Variants in UBE2F observed in about 807,000 individuals in gnomAD.
UBE2F encodes ubiquitin conjugating enzyme E2 F (putative), also known as NEDD8-conjugating enzyme UBE2F.
A neutral mutation model predicts 29.6 loss-of-function variants in UBE2F; 5 were observed. That is an observed-to-expected ratio of 0.17 (90% CI 0.09 to 0.36). The LOEUF (loss-of-function observed/expected upper bound fraction) is 0.36. Among genes scored for constraint, UBE2F ranks in the 10% least tolerant of loss-of-function variants. UBE2F has a pLI of 1.00. For missense variants in UBE2F, 141 were observed against 228.5 expected, an observed-to-expected ratio of 0.62 and a Z score of 2.47; for synonymous variants, 66 against 81.8, an observed-to-expected ratio of 0.81 and a Z score of 1.04.
At position 238,016,618 on chromosome 2, in the gene UBE2F, T is replaced by A; in HGVS notation, c.267T>A (p.Asp89Glu). The A allele has an allele frequency of 6.2e-7, 1 of 1,613,764 alleles. No individual in the cohort carries two copies. The highest frequency in any genetic ancestry group is 8.5e-7 in the Non-Finnish European group (1 of 1,179,828). Residue 89 changes from aspartate (D) to glutamate (E), a missense_variant, in exon 5 of 10, where the codon GAT (aspartate) becomes GAA (glutamate). Physicochemically the swap from Asp to Glu is conservative, Grantham distance 45. Coordinates refer to ENST00000272930, the MANE Select transcript of UBE2F (RefSeq NM_080678.3). ...TTCAGTTTGAAACTGAAGTTCCCGA[T>A]GCGTACAACATGGTGGTGAGTAGCC... ...GKFQFETEVPDAYNMVPPKVK... is the reference protein window; with the variant it reads ...GKFQFETEVPEAYNMVPPKVK...
rs1288944685 is a variant in UBE2F at position 238,041,405 on chromosome 2, G to GT, written c.*68dup. ...TGTCTCTAACATGAAACAGCAAGAGGTAGCCCCCTCTCCCGTCCTCATGCT... is the reference window on the plus strand; with the variant it reads ...TGTCTCTAACATGAAACAGCAAGAGGTTAGCCCCCTCTCCCGTCCTCATGCT... On this transcript the variant is annotated 3_prime_UTR_variant, in exon 10 of 10. Coordinates refer to ENST00000272930, the MANE Select transcript of UBE2F (RefSeq NM_080678.3). 2.4e-5 allele frequency: 38 copies of GT among 1,558,692 alleles called. No homozygotes were observed. Among genetic ancestry groups the GT allele is most frequent in the Non-Finnish European group, 3.2e-5 (36 of 1,131,880 alleles).
intron 5 of UBE2F, among the ~76,000 whole-genome samples, chr2:238,018,658 C>T (rs1232055495): frequency 6.6e-6 from 1 of 152,140 alleles, no homozygotes; most frequent in Non-Finnish European, 1.5e-5. Context: ...CACCAGCTCC[C>T]GGGTTCAAGC....
At chr2:237,985,096 A>G (rs2063454709) in intron 2 of UBE2F, among the ~76,000 whole-genome samples, 1 of 152,140 alleles carries the variant, frequency 6.6e-6, no homozygotes, top group Admixed American at 6.5e-5. Context: ...GGCCTCCCAA[A>G]GCACTGGGAT....
chr2:238,014,652 C>T (rs1419200236), intron 4 of UBE2F, among the ~76,000 whole-genome samples: 2 of 152,122 alleles, frequency 1.3e-5, no homozygotes, highest in Admixed American at 6.5e-5. Flanking sequence ...AAGGACAGCG[C>T]GGGTGAAGCA....
At chr2:237,995,733 G>A (rs1384848090) in intron 4 of UBE2F, among the ~76,000 whole-genome samples, 5 of 152,100 alleles carry the variant, frequency 3.3e-5, no homozygotes, top group Admixed American at 3.3e-4. Context: ...GATAATAATA[G>A]CACAAGAAAT....
chr2:238,011,425 A>G (rs1206237805), intron 4 of UBE2F, among the ~76,000 whole-genome samples: 1 of 150,178 alleles, frequency 6.7e-6, no homozygotes, highest in Non-Finnish European at 1.5e-5. Flanking sequence ...CCCACTTTCT[A>G]CTCCTTCTAT....
At chr2:237,996,570 G>A (rs919425563) in intron 4 of UBE2F, among the ~76,000 whole-genome samples, 2 of 151,846 alleles carry the variant, frequency 1.3e-5, no homozygotes, top group African/African-American at 4.8e-5. Flanking sequence ...TCGCCTTCCG[G>A]GTTCAAGTGA....
intron 2 of UBE2F, among the ~76,000 whole-genome samples, chr2:237,979,382 C>A (rs1258087240): frequency 6.6e-6 from 1 of 152,172 alleles, no homozygotes; most frequent in Admixed American, 6.5e-5. Context: ...GGACCCCTCA[C>A]CTTCCTATAT....
chr2:237,974,578 A>G (rs190387574), intron 2 of UBE2F, among the ~76,000 whole-genome samples: 475 of 145,700 alleles, frequency 3.3e-3, no homozygotes, highest in Non-Finnish European at 5.5e-3. Flanking sequence ...CAGTGGTGCA[A>G]TCTTGGCTAA....
At chr2:238,029,240 C>G (rs2064509949) in intron 6 of UBE2F, among the ~76,000 whole-genome samples, 1 of 150,986 alleles carries the variant, frequency 6.6e-6, no homozygotes, top group East Asian at 2.0e-4. Flanking sequence ...CAGAATTTTG[C>G]ATTAATCTTT....
intron 4 of UBE2F, among the ~76,000 whole-genome samples, chr2:238,008,499 T>C (rs1464698993): frequency 6.6e-6 from 1 of 152,248 alleles, no homozygotes; most frequent in African/African-American, 2.4e-5. Context: ...TTTTAAGTTC[T>C]GTAGAGTTTG....
intron 4 of UBE2F, among the ~76,000 whole-genome samples, chr2:237,996,029 G>A (rs1409809592): frequency 1.3e-5 from 2 of 152,218 alleles, no homozygotes; most frequent in East Asian, 1.9e-4. Context: ...TAAATGTAGT[G>A]AAGGGCTTTA....
intron 3 of UBE2F, among the ~76,000 whole-genome samples, chr2:237,994,274 C>G (rs1344735199): frequency 6.6e-6 from 1 of 152,088 alleles, no homozygotes; most frequent in African/African-American, 2.4e-5. Flanking sequence ...CCATGCCTGG[C>G]CAGCACCCTT....
chr2:238,022,831 G>A (rs1468513995), intron 5 of UBE2F, among the ~76,000 whole-genome samples: 2 of 152,152 alleles, frequency 1.3e-5, no homozygotes, highest in South Asian at 2.1e-4. Context: ...CTAGCTGTGG[G>A]CCACTGGGGT....
At chr2:237,985,068 A>T (rs988407794) in intron 2 of UBE2F, among the ~76,000 whole-genome samples, 2 of 151,946 alleles carry the variant, frequency 1.3e-5, no homozygotes, top group Non-Finnish European at 2.9e-5. Context: ...TCCTGGCCTG[A>T]AGCAATCCTC....
At chr2:238,017,619 T>C (rs1043941852) in intron 5 of UBE2F, among the ~76,000 whole-genome samples, 1 of 151,968 alleles carries the variant, frequency 6.6e-6, no homozygotes, top group Non-Finnish European at 1.5e-5. Flanking sequence ...CAGGGACGGG[T>C]GTGATGTGTC....
At chr2:238,025,769 T>C (rs1385801198) in intron 6 of UBE2F, among the ~76,000 whole-genome samples, 1 of 152,186 alleles carries the variant, frequency 6.6e-6, no homozygotes, top group Non-Finnish European at 1.5e-5. Context: ...TGAGAAAATA[T>C]GATTAATGAT....
chr2:237,976,857 A>T (rs1475117814), intron 2 of UBE2F, among the ~76,000 whole-genome samples: 1 of 152,106 alleles, frequency 6.6e-6, no homozygotes, highest in East Asian at 1.9e-4. Context: ...TTACCCATAA[A>T]CTGCTGAGAC....
intron 1 of UBE2F, among the ~76,000 whole-genome samples, chr2:237,970,930 C>G (rs1276365974): frequency 6.6e-6 from 1 of 152,224 alleles, no homozygotes; most frequent in African/African-American, 2.4e-5. Flanking sequence ...GCAGGCTGGT[C>G]TAGAACTCCT....
Sources: allele counts gnomAD v4.1 joint callset (sites outside exome capture counted in the v4.1 genomes callset), GRCh38; gene constraint gnomAD v4.1.1; transcripts MANE v1.5; gene names NCBI Gene and HGNC (gene_info 2026-07-23, HGNC 2026-07-21).